PIEZO2: variants seen among roughly 807,000 people sequenced by gnomAD.
PIEZO2 encodes piezo type mechanosensitive ion channel component 2.
A neutral mutation model predicts 337.3 loss-of-function variants in PIEZO2; 172 were observed. The ratio of observed to expected loss-of-function variants is 0.51; its 90% confidence interval spans 0.45 to 0.58. PIEZO2 has a LOEUF of 0.58. PIEZO2 is among the 20% of genes least tolerant of loss of function. The probability of loss-of-function intolerance (pLI) is 0.00; values close to 1 mark genes in which losing one functional copy is unlikely to be tolerated. For synonymous variants in PIEZO2, 1,251 were observed against 1,228.5 expected, an observed-to-expected ratio of 1.02 and a Z score of -0.38; for missense variants, 3,028 against 3,391.3, an observed-to-expected ratio of 0.89 and a Z score of 2.66.
intron 49 of PIEZO2, among the ~76,000 whole-genome samples, chr18:10,686,812 C>T (rs2034564202): frequency 6.6e-6 from 1 of 152,082 alleles, no homozygotes; most frequent in Non-Finnish European, 1.5e-5. Context: ...GAGGATGTTT[C>T]AGACAGTGCA....
At chr18:11,061,302 C>T (rs1488399682) in intron 2 of PIEZO2, among the ~76,000 whole-genome samples, 1 of 151,230 alleles carries the variant, frequency 6.6e-6, no homozygotes. Flanking sequence ...CAATATCATA[C>T]TGAATGGGCA....
At position 10,675,221 on chromosome 18, in the gene PIEZO2, G is replaced by T. The variant is rs1407692204; in HGVS notation, c.8149C>A (p.Gln2717Lys). The T allele has an allele frequency of 2.6e-6, 4 of 1,549,364 alleles. No homozygotes were observed. The East Asian group carries it at 9.2e-5, about 36-fold the overall frequency. ...PSDSNSKPIK[Q>K]LLSENNFMDI... ...TTCTCATTCTTACCAGATAAAAGTT[G>T]CTTTATAGGTTTTGAGTTAGAATCA... The change falls in exon 54 of 56, where the codon CAA (glutamine) becomes AAA (lysine). Residue 2717 changes from glutamine (Q) to lysine (K), a missense_variant. Coordinates refer to ENST00000674853, the MANE Select transcript of PIEZO2 (RefSeq NM_001378183.1).
In PIEZO2 at chr18:10,856,487, T is replaced by C. The variant is rs533619877; in HGVS notation, c.703+514A>G. Among the ~76,000 whole-genome samples the C allele has an allele frequency of 1.3e-5, 2 of 152,312 alleles. No individual in the cohort carries two copies. Among genetic ancestry groups the C allele is most frequent in the East Asian group, 1.9e-4 (1 of 5,178 alleles). On this transcript the variant is annotated intron_variant, in intron 6 of 55. Transcript: ENST00000674853. This position sits in a 1 kb window ranked among gnomAD's most constrained non-coding sequence, Gnocchi z 4.7. ...GGAAAAGATCAAGATAACATTATTATGGAATAAGCGGTCCAAGTCCAAAAT... is the reference window on the plus strand; with the variant it reads ...GGAAAAGATCAAGATAACATTATTACGGAATAAGCGGTCCAAGTCCAAAAT...
At chr18:10,710,766 C>T (rs2035788722) in intron 39 of PIEZO2, among the ~76,000 whole-genome samples, 1 of 152,214 alleles carries the variant, frequency 6.6e-6, no homozygotes, top group African/African-American at 2.4e-5. Context: ...CCAATGACTT[C>T]CACTGCAGAA....
intron 33 of PIEZO2, among the ~76,000 whole-genome samples, chr18:10,736,936 G>T (rs8098584): frequency 6.6e-6 from 1 of 152,058 alleles, no homozygotes; most frequent in African/African-American, 2.4e-5. Context: ...TCTTTGCCAT[G>T]TAAGAGAACT....
At chr18:11,095,543 T>G (rs971944115) in intron 1 of PIEZO2, among the ~76,000 whole-genome samples, 1 of 152,144 alleles carries the variant, frequency 6.6e-6, no homozygotes, top group African/African-American at 2.4e-5. Context: ...ATTTTTAGAG[T>G]TAATGCAACA....
chr18:10,998,861 CAA>C (rs10544415), intron 2 of PIEZO2, among the ~76,000 whole-genome samples: 7,299 of 118,752 alleles, frequency 0.061, 356 homozygotes, highest in African/African-American at 0.15. Context: ...TCAAATACAG[CAA>C]AAAAAAAAAA....
chr18:10,948,329 T>G (rs966473787), intron 3 of PIEZO2, among the ~76,000 whole-genome samples: 3 of 152,214 alleles, frequency 2.0e-5, no homozygotes, highest in Non-Finnish European at 4.4e-5. Context: ...AAAGCTTCTT[T>G]ACGAGATAAA....
Position 10,859,394 on chromosome 18 carries a change from C to T in PIEZO2, c.493-2183G>A, listed in dbSNP as rs2041813718. On this transcript the variant is annotated intron_variant, in intron 5 of 55. Coordinates refer to ENST00000674853, the MANE Select transcript of PIEZO2 (RefSeq NM_001378183.1). The surrounding 1 kb of genome is among the most constrained non-coding windows in gnomAD (Gnocchi z 4.9). Reference sequence around the variant, plus strand: ...TGCCAGCTCCAGCCAGTACATCAGACCACTCACCTGCAGCTGGCCTGCCAC... The same window carrying T: ...TGCCAGCTCCAGCCAGTACATCAGATCACTCACCTGCAGCTGGCCTGCCAC... Among the ~76,000 whole-genome samples the T allele has an allele frequency of 6.6e-6, 1 of 152,212 alleles. No individual in the cohort carries two copies. The highest frequency in any genetic ancestry group is 1.5e-5 in the Non-Finnish European group (1 of 68,032).
chr18:10,813,732 A>G lies in PIEZO2; in HGVS notation c.918-6458T>C, dbSNP rs1379926275. Among the ~76,000 whole-genome samples the G allele has an allele frequency of 6.6e-6, 1 of 152,034 alleles. No homozygotes were observed. The highest frequency in any genetic ancestry group is 1.5e-5 in the Non-Finnish European group (1 of 68,000). On this transcript the variant is annotated intron_variant, in intron 7 of 55. Coordinates refer to ENST00000674853, the MANE Select transcript of PIEZO2 (RefSeq NM_001378183.1). This position sits in a 1 kb window ranked among gnomAD's most constrained non-coding sequence, Gnocchi z 4.2. ...ATATCTCTTCAAGACCCTGTTTTCA[A>G]TTCTTTTCTATATATAGCCATAAGT...
chr18:11,100,852 C>T (rs1159816385), intron 1 of PIEZO2, among the ~76,000 whole-genome samples: 26 of 152,322 alleles, frequency 1.7e-4, no homozygotes, highest in Admixed American at 1.7e-3. Flanking sequence ...ACCTTGGCCT[C>T]CCAAAGTGCT....
At position 11,076,796 on chromosome 18, in the gene PIEZO2, C is replaced by A. The variant is rs186613424; in HGVS notation, c.65-10574G>T. 4.4e-3 allele frequency among the ~76,000 whole-genome samples: 677 copies of A among 152,178 alleles called. 3 individuals are homozygous for A. The highest frequency in any genetic ancestry group is 0.014 in the Middle Eastern group (4 of 292). ...ATATTAATAACAGTATTAAAAGTTT[C>A]ACTGAGTTTTCTAAATTCATCCTGA... On this transcript the variant is annotated intron_variant, in intron 1 of 55. Coordinates refer to ENST00000674853, the MANE Select transcript of PIEZO2 (RefSeq NM_001378183.1).
rs1568376590 is a variant in PIEZO2 at position 11,104,419 on chromosome 18, G to A, written c.65-38197C>T. On this transcript the variant is annotated intron_variant, in intron 1 of 55. Coordinates refer to ENST00000674853, the MANE Select transcript of PIEZO2 (RefSeq NM_001378183.1). This position sits in a 1 kb window ranked among gnomAD's most constrained non-coding sequence, Gnocchi z 4.6. ...GATTTAGGAGACACCGTGGCCTGGA[G>A]TTTTCTCCCAACTAGGGATTCTGAA... Among the ~76,000 whole-genome samples the A allele has an allele frequency of 6.6e-6, 1 of 152,204 alleles. No homozygotes were observed. Among genetic ancestry groups the A allele is most frequent in the Non-Finnish European group, 1.5e-5 (1 of 68,038 alleles).
At position 11,148,019 on chromosome 18, in the gene PIEZO2, T is replaced by C. The variant is rs185422193; in HGVS notation, c.64+506A>G. On this transcript the variant is annotated intron_variant, in intron 1 of 55. Transcript: ENST00000674853. The surrounding 1 kb of genome is among the most constrained non-coding windows in gnomAD (Gnocchi z 5.2). The stretch of plus-strand genomic sequence containing the variant: ...CGTCAAGGCACTGTCTCCCTGTACC[T>C]CGTCCCTCTTTTTCTTTTTTGAATG... 2.5e-4 allele frequency among the ~76,000 whole-genome samples: 38 copies of C among 152,356 alleles called. No individual in the cohort carries two copies. Among genetic ancestry groups the C allele is most frequent in the African/African-American group, 8.2e-4 (34 of 41,594 alleles).
chr18:11,058,370 C>T (rs1406457517), intron 2 of PIEZO2, among the ~76,000 whole-genome samples: 1 of 152,188 alleles, frequency 6.6e-6, no homozygotes, highest in East Asian at 1.9e-4. Context: ...CAGAGCACCT[C>T]TCCTCCTCCA....
Position 11,070,362 on chromosome 18 carries a change from G to A in PIEZO2, c.65-4140C>T, listed in dbSNP as rs2038296021. ...CTCGGTGACTATCAAGGGGCATGGA[G>A]ATCAAGCCCTGAACAGAGATGTTTG... On this transcript the variant is annotated intron_variant, in intron 1 of 55. Transcript: ENST00000674853. The surrounding 1 kb of genome is among the most constrained non-coding windows in gnomAD (Gnocchi z 4.3). 6.6e-6 allele frequency among the ~76,000 whole-genome samples: 1 copy of A among 152,158 alleles called. No individual in the cohort carries two copies. The highest frequency in any genetic ancestry group is 2.4e-5 in the African/African-American group (1 of 41,434).
At chr18:10,745,732 A>AC (rs1215426531) in intron 30 of PIEZO2, among the ~76,000 whole-genome samples, 1 of 150,958 alleles carries the variant, frequency 6.6e-6, no homozygotes, top group African/African-American at 2.4e-5. Flanking sequence ...CATTTCTCAC[A>AC]CCCCCTCTCA....
At position 10,681,743 on chromosome 18, in the gene PIEZO2, G is replaced by T; in HGVS notation, c.7697C>A (p.Thr2566Lys). ...ITLGGYQPIF[T>K]MSAQQSQLKV... ...CAACTGGCTTTGTTGGGCACTCATT[G>T]TGAAAATAGGCTGGAAAACAAAGAG... Residue 2566 changes from threonine to lysine, a missense_variant, in exon 51 of 56, where the codon ACA becomes AAA. By Grantham distance (78) the Thr-to-Lys change is moderately conservative (BLOSUM62 -1). Coordinates refer to ENST00000674853, the MANE Select transcript of PIEZO2 (RefSeq NM_001378183.1). 1 of 1,608,490 alleles carries T rather than the reference G, an allele frequency of 6.2e-7. No homozygotes were observed. The highest frequency in any genetic ancestry group is 8.5e-7 in the Non-Finnish European group (1 of 1,174,886).
chr18:11,006,615 A>G (rs1198751648), intron 2 of PIEZO2, among the ~76,000 whole-genome samples: 1 of 152,140 alleles, frequency 6.6e-6, no homozygotes, highest in African/African-American at 2.4e-5. Context: ...TATGAAACAC[A>G]GCAGCCAGCC....
Sources: allele counts gnomAD v4.1 joint callset (sites outside exome capture counted in the v4.1 genomes callset), GRCh38; gene constraint gnomAD v4.1.1; non-coding constraint Gnocchi (gnomAD v3.1); transcripts MANE v1.5; gene names NCBI Gene and HGNC (gene_info 2026-07-23, HGNC 2026-07-21).